Variants in NEMP2 observed in about 807,000 individuals in gnomAD.
NEMP2 encodes the protein UPF0571 transmembrane protein.
Under a neutral mutation model 54.2 loss-of-function variants are expected in NEMP2, and 53 were observed. That is an observed-to-expected ratio of 0.98 (90% CI 0.78 to 1.23). The LOEUF is 1.23. Ranked by LOEUF, NEMP2 falls within the 50% of genes most tolerant of loss-of-function variation. The probability of loss-of-function intolerance (pLI) is 0.00; values close to 1 mark genes in which losing one functional copy is unlikely to be tolerated. For synonymous variants in NEMP2, 197 were observed against 190.3 expected (o/e 1.04, Z -0.29); for missense variants, 455 against 511.3 (o/e 0.89, Z 1.06).
the NEMP2 span, among the ~76,000 whole-genome samples, chr2:190,542,903 G>T: frequency 1.3e-5 from 2 of 152,158 alleles, no homozygotes; most frequent in African/African-American, 4.8e-5. The surrounding 1 kb of genome is among the most constrained non-coding windows in gnomAD (Gnocchi z 4.6). Flanking sequence ...TGCTTTGTGT[G>T]TCTGGAGAGG....
the NEMP2 span, among the ~76,000 whole-genome samples, chr2:190,634,531 T>C: frequency 5.9e-5 from 9 of 152,236 alleles, no homozygotes; most frequent in East Asian, 9.6e-4. This position sits in a 1 kb window ranked among gnomAD's most constrained non-coding sequence, Gnocchi z 6.8. Context: ...ATTTGCGTAA[T>C]GAACATAATT....
the NEMP2 span, among the ~76,000 whole-genome samples, chr2:190,447,913 CTTA>C: frequency 1.3e-5 from 2 of 152,130 alleles, no homozygotes; most frequent in Non-Finnish European, 2.9e-5. The surrounding 1 kb of genome is among the most constrained non-coding windows in gnomAD (Gnocchi z 4.5). Context: ...ACCAGGCTGA[CTTA>C]TTAATAACAG....
Position 190,534,612 on chromosome 2 carries a change from G to GGCAGCCAGAGCA in NEMP2, c.32_43dup (p.Leu11_Leu14dup), listed in dbSNP as rs1691299951. On this transcript the variant is annotated inframe_insertion, in exon 1 of 9. Coordinates refer to ENST00000409150, the MANE Select transcript of NEMP2 (RefSeq NM_001142645.2). ...GCGCACGGGCAGTGTGGCCAGGGGCGGCAGCCAGAGCAGCAGCCACCACCG... is the reference window on the plus strand; with the variant it reads ...GCGCACGGGCAGTGTGGCCAGGGGCGGCAGCCAGAGCAGCAGCCAGAGCAGCAGCCACCACCG... 4 of 1,385,520 alleles carry GGCAGCCAGAGCA rather than the reference G, an allele frequency of 2.9e-6. No homozygotes were observed. The highest frequency in any genetic ancestry group is 3.7e-6 in the Non-Finnish European group (4 of 1,073,182). 85.8% of individuals were successfully genotyped at this position (1,385,520 alleles called of 1,614,324 possible).
intron 1 of NEMP2, 28 bp downstream of exon 1, chr2:190,534,531 C>T: frequency 1.4e-6 from 2 of 1,380,146 alleles, no homozygotes; most frequent in Non-Finnish European, 1.9e-6. Context: ...CACGCACGCG[C>T]GCGCCGCCGC....
At chr2:190,536,107 T>C (rs551734158), upstream of NEMP2, 191 of 152,328 alleles carry the variant, frequency 1.3e-3, no homozygotes, top group African/African-American at 4.4e-3. Flanking sequence ...TTAGTAAATA[T>C]CTGTAAAGAA....
the NEMP2 span, chr2:190,437,356 TG>T: frequency 1.2e-6 from 2 of 1,614,266 alleles, no homozygotes. The surrounding 1 kb of genome is among the most constrained non-coding windows in gnomAD (Gnocchi z 5.9). Context: ...CAAGCTGCTC[TG>T]CAGCGTGCAG....
chr2:190,600,153 G>A, the NEMP2 span, among the ~76,000 whole-genome samples: 1 of 152,142 alleles, frequency 6.6e-6, no homozygotes, highest in African/African-American at 2.4e-5. This position sits in a 1 kb window ranked among gnomAD's most constrained non-coding sequence, Gnocchi z 4.9. Flanking sequence ...TGCCATCTTA[G>A]CAGTGGTATT....
In NEMP2 at chr2:190,522,023, G is replaced by A. The variant is rs1234931147; in HGVS notation, c.214-2840C>T. ...ACTTTGCAAAAAAAGACACAGGAAAGATATACCAGAAACTACTTAAACTGA... is the reference window on the plus strand; with the variant it reads ...ACTTTGCAAAAAAAGACACAGGAAAAATATACCAGAAACTACTTAAACTGA... On this transcript the variant is annotated intron_variant, in intron 2 of 8. Transcript: ENST00000409150. This position sits in a 1 kb window ranked among gnomAD's most constrained non-coding sequence, Gnocchi z 5.0. Among the ~76,000 whole-genome samples, 11 of 152,142 alleles carry A rather than the reference G, an allele frequency of 7.2e-5. No homozygotes were observed. In the East Asian group the frequency reaches 2.1e-3, roughly 29 times the overall value.
the NEMP2 span, among the ~76,000 whole-genome samples, chr2:190,564,536 T>C: frequency 6.6e-6 from 1 of 152,260 alleles, no homozygotes; most frequent in East Asian, 1.9e-4. This position sits in a 1 kb window ranked among gnomAD's most constrained non-coding sequence, Gnocchi z 4.2. Context: ...TCACTTTCTC[T>C]CTTGAATCAT....
At chr2:190,648,412 TC>T in the NEMP2 span, 1 of 151,162 alleles carries the variant, frequency 6.6e-6, no homozygotes, top group Admixed American at 6.6e-5. Context: ...GCTGCAGCCT[TC>T]CCGCCGGACG....
the NEMP2 span, among the ~76,000 whole-genome samples, chr2:190,496,376 T>A: frequency 6.6e-6 from 1 of 152,192 alleles, no homozygotes; most frequent in Non-Finnish European, 1.5e-5. This position sits in a 1 kb window ranked among gnomAD's most constrained non-coding sequence, Gnocchi z 4.7. Context: ...ACTTCTACAC[T>A]GCTGGTAGGA....
the NEMP2 span, chr2:190,437,442 T>C: frequency 1.2e-6 from 2 of 1,614,226 alleles, no homozygotes; most frequent in Non-Finnish European, 1.7e-6. This position sits in a 1 kb window ranked among gnomAD's most constrained non-coding sequence, Gnocchi z 5.9. Context: ...TCTACTGGCA[T>C]TTGGAAGACC....
In NEMP2 at chr2:190,512,936, A is replaced by T. The variant is rs762488558; in HGVS notation, c.953+1517T>A. ...ACACACACACACAGTCACCAGTTCC[A>T]TAAACTACCAGTCACCATAGTGTCC... On this transcript the variant is annotated intron_variant, in intron 7 of 8. Transcript: ENST00000409150. The surrounding 1 kb of genome is among the most constrained non-coding windows in gnomAD (Gnocchi z 4.5). Among the ~76,000 whole-genome samples the T allele has an allele frequency of 6.6e-6, 1 of 152,214 alleles. No individual in the cohort carries two copies. Among genetic ancestry groups the T allele is most frequent in the Non-Finnish European group, 1.5e-5 (1 of 68,030 alleles).
the NEMP2 span, among the ~76,000 whole-genome samples, chr2:190,428,329 A>G: frequency 0.19 from 28,935 of 152,108 alleles, 2,905 homozygotes; most frequent in East Asian, 0.29. Context: ...GTGAATATAC[A>G]TATCTTTTGG....
chr2:190,619,249 A>G, the NEMP2 span, among the ~76,000 whole-genome samples: 21 of 151,756 alleles, frequency 1.4e-4, no homozygotes, highest in South Asian at 1.9e-3. This position sits in a 1 kb window ranked among gnomAD's most constrained non-coding sequence, Gnocchi z 5.5. Context: ...GTGGTGGTGC[A>G]TGCCTGTAGT....
the NEMP2 span, among the ~76,000 whole-genome samples, chr2:190,548,830 T>G: frequency 4.6e-5 from 7 of 152,252 alleles, no homozygotes; most frequent in African/African-American, 1.4e-4. Context: ...AGTAGAATTT[T>G]CCAGCTACTC....
At chr2:190,624,606 C>T in the NEMP2 span, 1 of 152,146 alleles carries the variant, frequency 6.6e-6, no homozygotes, top group African/African-American at 2.4e-5. Context: ...GGTACATATA[C>T]ACGGTGGAAT....
chr2:190,550,409 G>A, the NEMP2 span, among the ~76,000 whole-genome samples: 2 of 152,062 alleles, frequency 1.3e-5, no homozygotes, highest in South Asian at 2.1e-4. This position sits in a 1 kb window ranked among gnomAD's most constrained non-coding sequence, Gnocchi z 4.7. Context: ...CTAATCCCCC[G>A]ACAAGGCCCT....
At chr2:190,489,473 T>A in the NEMP2 span, among the ~76,000 whole-genome samples, 7 of 152,194 alleles carry the variant, frequency 4.6e-5, no homozygotes, top group African/African-American at 1.4e-4. The surrounding 1 kb of genome is among the most constrained non-coding windows in gnomAD (Gnocchi z 6.6). Flanking sequence ...TCTTTTCATA[T>A]GAAGAGGAGA....
Sources: allele counts gnomAD v4.1 joint callset (sites outside exome capture counted in the v4.1 genomes callset), GRCh38; gene constraint gnomAD v4.1.1; non-coding constraint Gnocchi (gnomAD v3.1); transcripts MANE v1.5; gene names NCBI Gene and HGNC (gene_info 2026-07-23, HGNC 2026-07-21).